The following NT5C1A variants were observed in gnomAD, a reference collection of about 807,000 sequenced individuals.
NT5C1A encodes the protein cytosolic 5'-nucleotidase 1A.
NT5C1A carries 18 observed loss-of-function variants against 31.0 expected under a neutral mutation model. The observed-to-expected ratio is 0.58, with a 90% CI of 0.40 to 0.86. The LOEUF (loss-of-function observed/expected upper bound fraction) is 0.86. Ranked by LOEUF, NT5C1A falls within the 40% of genes least tolerant of loss-of-function variation. The probability of loss-of-function intolerance (pLI) is 0.00; values close to 1 mark genes in which losing one functional copy is unlikely to be tolerated. For missense variants in NT5C1A, 470 were observed against 505.4 expected (o/e 0.93, Z 0.67); for synonymous variants, 185 against 203.6 (o/e 0.91, Z 0.78).
At position 39,659,421 on chromosome 1, in the gene NT5C1A, C is replaced by G. The variant is rs763844303; in HGVS notation, c.807G>C (p.Leu269=). 13 of 1,612,556 alleles carry G rather than the reference C, an allele frequency of 8.1e-6. 1 individual carries two copies. The Admixed American group carries it at 2.2e-4, about 27-fold the overall frequency. ...AGGTACGAATTGGGCACTCCAGCCGCAGGCCTTTGGAGTAGAACTTCTTCT... is the reference window on the plus strand; with the variant it reads ...AGGTACGAATTGGGCACTCCAGCCGGAGGCCTTTGGAGTAGAACTTCTTCT... ...RLQKKFYSKG[L]RLECPIRTYL... Residue 269 remains leucine, a synonymous_variant, in exon 6 of 6, where the codon CTG becomes CTC. Transcript: ENST00000235628.
rs1238228480 is a variant in NT5C1A at position 39,656,728 on chromosome 1, C to T, written c.*2393G>A. 6.6e-6 allele frequency among the ~76,000 whole-genome samples: 1 copy of T among 152,260 alleles called. No individual in the cohort carries two copies. Among genetic ancestry groups the T allele is most frequent in the Non-Finnish European group, 1.5e-5 (1 of 68,044 alleles). On this transcript the variant is annotated 3_prime_UTR_variant, in exon 6 of 6. Coordinates refer to ENST00000235628, the MANE Select transcript of NT5C1A (RefSeq NM_032526.3). The stretch of plus-strand genomic sequence containing the variant: ...GCACAGGTCCACCCTGGTCAGTCAG[C>T]CTGTTGCCATGCTGTGAGCCTGGGC...
In NT5C1A at chr1:39,651,835, G is replaced by A. The variant is rs1447287711; in HGVS notation, c.*7286C>T. On this transcript the variant is annotated 3_prime_UTR_variant, in exon 6 of 6. Transcript: ENST00000235628. ...ACCTGAGGTCAGGAGTTCGAGACCA[G>A]CCTGGCCAATATGGTGAAACCCCAT... is the stretch of plus-strand genomic sequence containing the variant. Among the ~76,000 whole-genome samples, 1 of 151,836 alleles carries A rather than the reference G, an allele frequency of 6.6e-6. No individual in the cohort carries two copies. Among genetic ancestry groups the A allele is most frequent in the Admixed American group, 6.6e-5 (1 of 15,248 alleles).
chr1:39,661,308 T>C (rs1457459299), intron 4 of NT5C1A, 45 bp from the exon 5 acceptor site: 1 of 1,148,096 alleles, frequency 8.7e-7, no homozygotes, highest in Non-Finnish European at 1.3e-6. Flanking sequence ...GGCTGGGCAG[T>C]AGGGCTAGAG....
intron 1 of NT5C1A, 27 bp downstream of exon 1, chr1:39,671,877 C>T (rs954873593): frequency 3.7e-6 from 6 of 1,611,660 alleles, no homozygotes; most frequent in Non-Finnish European, 5.1e-6. Flanking sequence ...TTCCCCCGTC[C>T]CCCGCATACC....
chr1:39,660,048 G>A (rs1557744494), intron 5 of NT5C1A, among the ~76,000 whole-genome samples: 1 of 152,170 alleles, frequency 6.6e-6, no homozygotes, highest in East Asian at 1.9e-4. Flanking sequence ...TAAAAAAACA[G>A]ACAACGATGA....
chr1:39,665,679 A>G (rs748738586), intron 2 of NT5C1A, 29 bp from the exon 3 acceptor site: 2 of 1,608,648 alleles, frequency 1.2e-6, no homozygotes, highest in South Asian at 1.1e-5. Flanking sequence ...CCCCCAGCTT[A>G]GACCCCCAAG....
At chr1:39,666,344 A>C in intron 1 of NT5C1A, 108 bp from the exon 2 acceptor site, 1 of 1,086,258 alleles carries the variant, frequency 9.2e-7, no homozygotes, top group Non-Finnish European at 1.3e-6. Flanking sequence ...ACCCAGACCC[A>C]GTCTCTACCT....
chr1:39,665,724 T>G, intron 2 of NT5C1A, 74 bp from the exon 3 acceptor site: 8 of 1,430,356 alleles, frequency 5.6e-6, no homozygotes, highest in Non-Finnish European at 7.7e-6. Context: ...AAGGATTCAG[T>G]GAGGGGAGGT....
intron 5 of NT5C1A, among the ~76,000 whole-genome samples, chr1:39,660,642 G>A (rs573768972): frequency 1.3e-5 from 2 of 152,196 alleles, no homozygotes; most frequent in East Asian, 1.9e-4. Flanking sequence ...TCTCAGAGGG[G>A]CGGGGGATCT....
Position 39,656,249 on chromosome 1 carries a change from G to A in NT5C1A, c.*2872C>T, listed in dbSNP as rs1461773530. On this transcript the variant is annotated 3_prime_UTR_variant, in exon 6 of 6. Transcript: ENST00000235628. The stretch of plus-strand genomic sequence containing the variant: ...ACCTCAGTGCTGCATTCCCTGGTTA[G>A]GCCTGGGACTTTGGTGTTCACCTGG... Among the ~76,000 whole-genome samples the A allele has an allele frequency of 6.6e-6, 1 of 152,154 alleles. No individual in the cohort carries two copies. The highest frequency in any genetic ancestry group is 1.5e-5 in the Non-Finnish European group (1 of 68,042).
At chr1:39,664,670 T>C (rs1398527088) in intron 3 of NT5C1A, among the ~76,000 whole-genome samples, 1 of 148,876 alleles carries the variant, frequency 6.7e-6, no homozygotes, top group Non-Finnish European at 1.5e-5. Context: ...TTTTTGTATT[T>C]TTAGTAGAGA....
chr1:39,671,425 C>T (rs1371742336), intron 1 of NT5C1A, among the ~76,000 whole-genome samples: 6 of 152,212 alleles, frequency 3.9e-5, no homozygotes, highest in African/African-American at 1.4e-4. Context: ...AGCGCACTGC[C>T]CCCAGCCCAG....
In NT5C1A at chr1:39,666,035, G is replaced by A. The variant is rs113327185; in HGVS notation, c.303+34C>T. On this transcript the variant is annotated intron_variant, in intron 2 of 5. Transcript: ENST00000235628. ...GCTTTTTTCTAATCCCCACGAAGGC[G>A]CTATATGAGCTAGTGGTGGAACTGC... The A allele has an allele frequency of 2.0e-3, 3,143 of 1,594,268 alleles. 36 individuals are homozygous for A. In the African/African-American group the frequency reaches 0.032, roughly 16 times the overall value.
Position 39,659,187 on chromosome 1 carries a change from C to G in NT5C1A, c.1041G>C (p.Val347=). The change falls in exon 6 of 6, where the codon GTG becomes GTC. Residue 347 remains valine (V), a synonymous_variant. Coordinates refer to ENST00000235628, the MANE Select transcript of NT5C1A (RefSeq NM_032526.3). ...AQEMGTVAAH[V]PYGVAQTPRR... ...GGGGTGTCTGTGCCACACCATAAGG[C>G]ACATGGGCGGCCACAGTGCCCATCT... The G allele has an allele frequency of 6.2e-7, 1 of 1,614,006 alleles. No homozygotes were observed. Among genetic ancestry groups the G allele is most frequent in the Non-Finnish European group, 8.5e-7 (1 of 1,180,024 alleles).
At position 39,655,898 on chromosome 1, in the gene NT5C1A, C is replaced by T. The variant is rs1297582119; in HGVS notation, c.*3223G>A. On this transcript the variant is annotated 3_prime_UTR_variant, in exon 6 of 6. Transcript: ENST00000235628. ...AGTTTTAGTCATCAGTTTGGCTGTA[C>T]TGGTGCACACCAATTGAGTGTCATT... Among the ~76,000 whole-genome samples, 1 of 152,176 alleles carries T rather than the reference C, an allele frequency of 6.6e-6. No individual in the cohort carries two copies. The highest frequency in any genetic ancestry group is 1.5e-5 in the Non-Finnish European group (1 of 68,026).
intron 3 of NT5C1A, among the ~76,000 whole-genome samples, chr1:39,663,690 G>A (rs998942269): frequency 8.8e-5 from 9 of 102,188 alleles, no homozygotes; most frequent in African/African-American, 4.3e-4. Flanking sequence ...ACATGCCTGT[G>A]TGACCCCGCC....
intron 3 of NT5C1A, among the ~76,000 whole-genome samples, chr1:39,664,490 C>CCTGTCTCGTCTCGT (rs138918376): frequency 6.9e-4 from 2 of 2,900 alleles, no homozygotes; most frequent in Admixed American, 4.4e-3. Context: ...GTGGATTTCT[C>CCTGTCTCGTCTCGT]CTCCTCTCCT....
chr1:39,659,412 C>T lies in NT5C1A; in HGVS notation c.816G>A (p.Glu272=). ...TCACCAAGTAGGTACGAATTGGGCACTCCAGCCGCAGGCCTTTGGAGTAGA... is the reference window on the plus strand; with the variant it reads ...TCACCAAGTAGGTACGAATTGGGCATTCCAGCCGCAGGCCTTTGGAGTAGA... ...KKFYSKGLRL[E]CPIRTYLVTA... The change falls in exon 6 of 6, where the codon GAG becomes GAA. Residue 272 remains glutamate (E), a synonymous_variant. Coordinates refer to ENST00000235628, the MANE Select transcript of NT5C1A (RefSeq NM_032526.3). 1 of 1,613,096 alleles carries T rather than the reference C, an allele frequency of 6.2e-7. No individual in the cohort carries two copies. Among genetic ancestry groups the T allele is most frequent in the Non-Finnish European group, 8.5e-7 (1 of 1,179,628 alleles).
At position 39,671,893 on chromosome 1, in the gene NT5C1A, A is replaced by G; in HGVS notation, c.135+11T>C. 2 of 1,613,052 alleles carry G rather than the reference A, an allele frequency of 1.2e-6. No homozygotes were observed. The highest frequency in any genetic ancestry group is 1.7e-6 in the Non-Finnish European group (2 of 1,179,690). ...TCCCCCGTCCCCCGCATACCCGTGC[A>G]TTGCTTTTACCGATTTGGGTTTCTT... On this transcript the variant is annotated intron_variant, in intron 1 of 5. Coordinates refer to ENST00000235628, the MANE Select transcript of NT5C1A (RefSeq NM_032526.3).
Sources: allele counts gnomAD v4.1 joint callset (sites outside exome capture counted in the v4.1 genomes callset), GRCh38; gene constraint gnomAD v4.1.1; transcripts MANE v1.5; gene names NCBI Gene and HGNC (gene_info 2026-07-23, HGNC 2026-07-21).